The following GRAMD4 variants were observed in gnomAD, a reference collection of about 807,000 sequenced individuals.
The protein encoded by GRAMD4 is GRAM domain containing 4.
Under a neutral mutation model 83.9 loss-of-function variants are expected in GRAMD4, and 25 were observed. The observed-to-expected ratio is 0.30, with a 90% CI of 0.22 to 0.42. The LOEUF (loss-of-function observed/expected upper bound fraction) is 0.42, where lower values mean the gene tolerates loss of function less well. Among genes scored for constraint, GRAMD4 ranks in the 10% least tolerant of loss-of-function variants. The pLI, the probability that GRAMD4 is intolerant of heterozygous loss-of-function variation, is 1.00. For synonymous variants in GRAMD4, 336 were observed against 320.9 expected, an observed-to-expected ratio of 1.05 and a Z score of -0.50; for missense variants, 593 against 788.7, an observed-to-expected ratio of 0.75 and a Z score of 2.97.
At chr22:46,589,013 G>T (rs1376104637) in intron 1 of GRAMD4, among the ~76,000 whole-genome samples, 2 of 152,108 alleles carry the variant, frequency 1.3e-5, no homozygotes, top group African/African-American at 4.8e-5. Flanking sequence ...GCTCGTAACT[G>T]TGGCGCTGGG....
chr22:46,642,994 T>TGCA (rs1428585322), intron 3 of GRAMD4, among the ~76,000 whole-genome samples: 1 of 49,808 alleles, frequency 2.0e-5, no homozygotes, highest in Non-Finnish European at 4.4e-5. Flanking sequence ...CATCCATCCA[T>TGCA]TCATCCATTC....
chr22:46,642,003 T>C (rs2081981237), intron 3 of GRAMD4, among the ~76,000 whole-genome samples: 1 of 152,224 alleles, frequency 6.6e-6, no homozygotes, highest in South Asian at 2.1e-4. Context: ...GGTGTTGGGC[T>C]CTCCTGGGGT....
intron 3 of GRAMD4, among the ~76,000 whole-genome samples, chr22:46,646,171 T>A (rs1411240795): frequency 1.3e-5 from 2 of 152,342 alleles, no homozygotes; most frequent in Middle Eastern, 3.4e-3. Context: ...TACCACGCCC[T>A]GTCTCTGGGC....
Position 46,591,474 on chromosome 22 carries a change from G to A in GRAMD4, c.-50+14184G>A, listed in dbSNP as rs140388937. On this transcript the variant is annotated intron_variant, in intron 1 of 1. Coordinates refer to the GRAMD4 transcript ENST00000431155. ...GATTTACCAAATTCATTTGGACGAC[G>A]TTACTGAAGCTCCATGAGGCAGAGG... Among the ~76,000 whole-genome samples the A allele has an allele frequency of 5.0e-3, 767 of 152,228 alleles. 7 individuals carry two copies. Among genetic ancestry groups the A allele is most frequent in the African/African-American group, 0.018 (734 of 41,510 alleles).
At chr22:46,626,157 G>GGT (rs2081655453) in intron 1 of GRAMD4, among the ~76,000 whole-genome samples, 1 of 152,220 alleles carries the variant, frequency 6.6e-6, no homozygotes, top group South Asian at 2.1e-4. Context: ...AGGTGGAGCA[G>GGT]GTGGGACACA....
At chr22:46,580,409 C>G (rs570901214) in intron 1 of GRAMD4, among the ~76,000 whole-genome samples, 1 of 152,214 alleles carries the variant, frequency 6.6e-6, no homozygotes, top group African/African-American at 2.4e-5. Context: ...CAGCAATGGT[C>G]CTGAAAAATA....
upstream of GRAMD4, among the ~76,000 whole-genome samples, chr22:46,617,168 G>C (rs2081513910): frequency 6.8e-6 from 1 of 147,776 alleles, no homozygotes; most frequent in Non-Finnish European, 1.5e-5. Context: ...CCGTGTGTAG[G>C]TTCCCCTGTG....
chr22:46,624,324 CTTTTTTTTTTTT>C (rs577618843), intron 1 of GRAMD4, among the ~76,000 whole-genome samples: 13 of 69,570 alleles, frequency 1.9e-4, no homozygotes, highest in African/African-American at 7.9e-4. Flanking sequence ...TTCCCTCTTC[CTTTTTTTTTTTT>C]TTTTTTTTTT....
Position 46,673,669 on chromosome 22 carries a change from G to C in GRAMD4, c.1240-1G>C, listed in dbSNP as rs761677387. On this transcript the variant is annotated splice_acceptor_variant, in intron 14 of 18. Coordinates refer to ENST00000406902, the MANE Select transcript of GRAMD4 (RefSeq NM_015124.5). LOFTEE classifies it high-confidence loss of function. ...ACCTCGACGCTGTTTGCCGTTGGCAGCTGCAGACGACCTCGTCACGGAGCT... is the reference window on the plus strand; with the variant it reads ...ACCTCGACGCTGTTTGCCGTTGGCACCTGCAGACGACCTCGTCACGGAGCT... The C allele has an allele frequency of 6.2e-7, 1 of 1,610,216 alleles. No individual in the cohort carries two copies.
chr22:46,663,179 G>C lies in GRAMD4; in HGVS notation c.599+7G>C. ...AACCCCTGAGCGCCCGCAGGTAGGG[G>C]TTCGCCGAGCTGGGGCTGCCTGTGC... On this transcript the variant is annotated splice_region_variant and intron_variant, in intron 6 of 18. Coordinates refer to ENST00000406902, the MANE Select transcript of GRAMD4 (RefSeq NM_015124.5). The C allele has an allele frequency of 6.2e-7, 1 of 1,609,428 alleles. No homozygotes were observed. Among genetic ancestry groups the C allele is most frequent in the African/African-American group, 1.3e-5 (1 of 75,014 alleles).
intron 2 of GRAMD4, among the ~76,000 whole-genome samples, chr22:46,635,371 A>T (rs13058036): frequency 0.15 from 4 of 26 alleles, 1 homozygote; most frequent in Non-Finnish European, 0.12. Context: ...AGACCGTGTC[A>T]TCCCTGCCCC....
chr22:46,589,940 C>A (rs74939508), intron 1 of GRAMD4, among the ~76,000 whole-genome samples: 1 of 152,162 alleles, frequency 6.6e-6, no homozygotes, highest in Non-Finnish European at 1.5e-5. Flanking sequence ...TCAGCCAGCT[C>A]CCCTCGTGGC....
chr22:46,618,919 G>A (rs953806654), upstream of GRAMD4, among the ~76,000 whole-genome samples: 2 of 152,230 alleles, frequency 1.3e-5, no homozygotes, highest in Admixed American at 6.5e-5. This position sits in a 1 kb window ranked among gnomAD's most constrained non-coding sequence, Gnocchi z 5.8. Context: ...CCGAGTCTGT[G>A]CCAGGCGTGG....
rs537865213 is a variant in GRAMD4, at chr22:46,671,090, T to A, written c.1085-1753T>A. On this transcript the variant is annotated intron_variant, in intron 13 of 18. Coordinates refer to ENST00000406902, the MANE Select transcript of GRAMD4 (RefSeq NM_015124.5). ...TCAGCTTAGAGGGGCAGAGGCTGCC[T>A]GCTCCAAGCAAGGATGGCCCCAGCT... 8.5e-6 allele frequency: 4 copies of A among 469,494 alleles called. No individual in the cohort carries two copies. In the Admixed American group the frequency reaches 9.4e-5, roughly 11 times the overall value. The allele number at this position is 469,494 out of a possible 1,614,324, so 29.1% of individuals were successfully genotyped here.
At position 46,679,772 on chromosome 22, in the gene GRAMD4, A is replaced by C. The variant is rs2082649555; in HGVS notation, c.*2521A>C. 1.0e-6 allele frequency: 1 copy of C among 982,234 alleles called. No individual in the cohort carries two copies. Among genetic ancestry groups the C allele is most frequent in the Admixed American group, 6.1e-5 (1 of 16,268 alleles). 60.8% of individuals were successfully genotyped at this position (982,234 alleles called of 1,614,324 possible). On this transcript the variant is annotated 3_prime_UTR_variant, in exon 19 of 19. Coordinates refer to ENST00000406902, the MANE Select transcript of GRAMD4 (RefSeq NM_015124.5). The stretch of plus-strand genomic sequence containing the variant: ...TAATTTTTATTTAAATAAACCTAAA[A>C]TGCTTTGTGCTAAGGCTCAGGGCTG...
At chr22:46,651,525 C>T (rs367543895) in intron 3 of GRAMD4, among the ~76,000 whole-genome samples, 1 of 152,250 alleles carries the variant, frequency 6.6e-6, no homozygotes, top group African/African-American at 2.4e-5. Flanking sequence ...CACACGCATC[C>T]TGGTGCACCC....
chr22:46,665,042 A>G (rs928050393), intron 8 of GRAMD4, among the ~76,000 whole-genome samples: 2 of 152,098 alleles, frequency 1.3e-5, no homozygotes, highest in African/African-American at 2.4e-5. Flanking sequence ...CACCCTCACA[A>G]ATGCTTTGCG....
At chr22:46,594,598 G>A (rs1022674212) in intron 1 of GRAMD4, among the ~76,000 whole-genome samples, 1 of 152,008 alleles carries the variant, frequency 6.6e-6, no homozygotes, top group Non-Finnish European at 1.5e-5. Flanking sequence ...GGGGGGTTAG[G>A]TGTTTTAGGA....
chr22:46,608,371 G>T (rs2147080515), intron 1 of GRAMD4, among the ~76,000 whole-genome samples: 1 of 152,314 alleles, frequency 6.6e-6, no homozygotes, highest in South Asian at 2.1e-4. Context: ...GCGGGTTTTT[G>T]ATCTTCCTTC....
Sources: gnomAD v4.1 joint callset for allele counts (sites outside exome capture counted in the v4.1 genomes callset) on GRCh38, gnomAD v4.1.1 for gene constraint, Gnocchi (gnomAD v3.1) non-coding constraint, MANE v1.5 for transcripts, NCBI Gene and HGNC (gene_info 2026-07-23, HGNC 2026-07-21) for gene names.